INTS8: variants seen among roughly 807,000 people sequenced by gnomAD.
The protein encoded by INTS8 is integrator complex subunit 8, also known as protein kaonashi-1.
Under a neutral mutation model 138.9 loss-of-function variants are expected in INTS8, and 47 were observed. The observed-to-expected ratio is 0.34, with a 90% CI of 0.27 to 0.43. The LOEUF (loss-of-function observed/expected upper bound fraction) is 0.43, where lower values mean the gene tolerates loss of function less well. Ranked by LOEUF, INTS8 falls within the 20% of genes least tolerant of loss-of-function variation. INTS8 has a pLI of 1.00. For missense variants in INTS8, 996 were observed against 1,173.0 expected (o/e 0.85, Z 2.20); for synonymous variants, 392 against 400.9 (o/e 0.98, Z 0.27).
Position 94,849,970 on chromosome 8 carries a change from T to C in INTS8, c.1386T>C (p.His462=). ...DLQYVFMISS[H]ELFITLLKDE... Reference sequence around the variant, plus strand: ...AGTATGTTTTCATGATTTCTTCACATGAGCTTTTCATTACATTGTTGAAAG... The same window carrying C: ...AGTATGTTTTCATGATTTCTTCACACGAGCTTTTCATTACATTGTTGAAAG... Residue 462 remains histidine (H), a synonymous_variant, in exon 12 of 27, where the codon CAT becomes CAC. Coordinates refer to ENST00000523731, the MANE Select transcript of INTS8 (RefSeq NM_017864.4). 1 of 1,613,124 alleles carries C rather than the reference T, an allele frequency of 6.2e-7. No homozygotes were observed. The highest frequency in any genetic ancestry group is 8.5e-7 in the Non-Finnish European group (1 of 1,179,302).
intron 10 of INTS8, among the ~76,000 whole-genome samples, chr8:94,848,735 T>C (rs73271133): frequency 5.3e-4 from 81 of 152,310 alleles, no homozygotes; most frequent in African/African-American, 1.5e-3. Flanking sequence ...AGGTTACTTA[T>C]ACTTTTTGGC....
chr8:94,827,878 TAGA>T (rs1322531524), intron 4 of INTS8, 85 bp downstream of exon 4: 30 of 1,077,060 alleles, frequency 2.8e-5, no homozygotes, highest in African/African-American at 1.1e-4. Context: ...ACCTCTGTTA[TAGA>T]AGAAGTAGAG....
chr8:94,853,709 T>C, intron 13 of INTS8, 96 bp from the exon 14 acceptor site: 1 of 673,226 alleles, frequency 1.5e-6, no homozygotes. Context: ...CGTGAGTTAT[T>C]TGTTTTAAAT....
At chr8:94,866,439 C>G (rs1816179859) in intron 18 of INTS8, 1 of 440,114 alleles carries the variant, frequency 2.3e-6, no homozygotes, top group Non-Finnish European at 4.3e-6. Context: ...ACTACAGGCA[C>G]ATGTAACCAT....
intron 13 of INTS8, among the ~76,000 whole-genome samples, 183 bp downstream of exon 13, chr8:94,851,869 C>T (rs1048943987): frequency 2.0e-5 from 3 of 152,148 alleles, no homozygotes; most frequent in Non-Finnish European, 4.4e-5. Context: ...ATGTCAGAAA[C>T]AAAAAGATAC....
At chr8:94,875,430 G>T (rs573020606) in intron 23 of INTS8, among the ~76,000 whole-genome samples, 12 of 152,162 alleles carry the variant, frequency 7.9e-5, no homozygotes, top group Non-Finnish European at 1.3e-4. Context: ...GCAAATGTAT[G>T]GAGACAAAGT....
chr8:94,833,535 C>A (rs1193492389), intron 6 of INTS8, among the ~76,000 whole-genome samples: 1 of 151,984 alleles, frequency 6.6e-6, no homozygotes, highest in Admixed American at 6.6e-5. Context: ...ATGAAACTTG[C>A]ATATAGGAGT....
At chr8:94,850,137 C>A in intron 12 of INTS8, 46 bp downstream of exon 12, 2 of 1,332,596 alleles carry the variant, frequency 1.5e-6, no homozygotes, top group Non-Finnish European at 2.1e-6. Context: ...TGTTTTGCCC[C>A]TCTATTCAAA....
In INTS8 at chr8:94,832,055, C is replaced by T. The variant is rs1814737814; in HGVS notation, c.634C>T (p.Leu212Phe). The T allele has an allele frequency of 6.2e-7, 1 of 1,613,448 alleles. No individual in the cohort carries two copies. The highest frequency in any genetic ancestry group is 8.5e-7 in the Non-Finnish European group (1 of 1,179,724). ...LEAALKLNKD[L>F]YVHTMRTLDL... is the part of the protein sequence containing the mutation. ...AGCAGCCCTAAAATTAAACAAGGATCTTTATGTCCATACGATGAGAACTCT... is the reference window on the plus strand; with the variant it reads ...AGCAGCCCTAAAATTAAACAAGGATTTTTATGTCCATACGATGAGAACTCT... The change falls in exon 6 of 27, where the codon CTT becomes TTT. Residue 212 changes from leucine (L) to phenylalanine (F), a missense_variant. By Grantham distance (22) the Leu-to-Phe change is conservative. Transcript: ENST00000523731.
intron 20 of INTS8, chr8:94,867,937 A>G (rs1192532537): frequency 6.6e-6 from 1 of 152,232 alleles, no homozygotes; most frequent in Non-Finnish European, 1.5e-5. Flanking sequence ...ATGACTTTCT[A>G]TCAGGTTTCC....
At chr8:94,845,848 T>A (rs1263932723) in intron 10 of INTS8, among the ~76,000 whole-genome samples, 10 of 152,200 alleles carry the variant, frequency 6.6e-5, no homozygotes, top group Admixed American at 6.5e-4. Flanking sequence ...TACATTAAAT[T>A]TAGAAGCCAG....
At chr8:94,847,520 A>G (rs943408822) in intron 10 of INTS8, among the ~76,000 whole-genome samples, 6 of 151,942 alleles carry the variant, frequency 3.9e-5, no homozygotes, top group African/African-American at 9.7e-5. Context: ...GGGCCTGGGT[A>G]ATTTTTTTGT....
chr8:94,853,827 G>A lies in INTS8; in HGVS notation c.1664G>A (p.Ser555Asn). The A allele has an allele frequency of 1.2e-6, 2 of 1,608,452 alleles. No homozygotes were observed. Among genetic ancestry groups the A allele is most frequent in the Non-Finnish European group, 1.7e-6 (2 of 1,174,930 alleles). The part of the protein sequence containing the change: ...SNKWEVPSVY[S>N]GVILGIKDNL... ...TAGTGGGAAGTACCTTCTGTCTATAGTGGTGTTATCCTGGGAATTAAAGAC... is the reference window on the plus strand; with the variant it reads ...TAGTGGGAAGTACCTTCTGTCTATAATGGTGTTATCCTGGGAATTAAAGAC... The change falls in exon 14 of 27, where the codon AGT (serine) becomes AAT (asparagine). Residue 555 changes from serine to asparagine, a missense_variant. Ser to Asn is a conservative substitution (Grantham distance 46). Transcript: ENST00000523731.
rs183676809 is a variant in INTS8, at chr8:94,881,025, T to C, written c.*791T>C. ...GCCTTATTAGTTAAAAAATGTGTTA[T>C]GGCAAGGCAAATAAACTAGTTTAAA... On this transcript the variant is annotated 3_prime_UTR_variant, in exon 27 of 27. Coordinates refer to ENST00000523731, the MANE Select transcript of INTS8 (RefSeq NM_017864.4). 368 of 398,678 alleles carry C rather than the reference T, an allele frequency of 9.2e-4. No homozygotes were observed. Among genetic ancestry groups the C allele is most frequent in the African/African-American group, 5.7e-3 (279 of 48,756 alleles). The allele number at this position is 398,678 out of a possible 1,614,324, so 24.7% of individuals were successfully genotyped here. A position where few individuals can be genotyped will look rare whatever the true frequency, so the allele number is the denominator to read the frequency against.
intron 10 of INTS8, among the ~76,000 whole-genome samples, chr8:94,848,500 C>T (rs1196576762): frequency 2.6e-5 from 4 of 152,124 alleles, no homozygotes; most frequent in African/African-American, 7.2e-5. Context: ...CCCTCAATCT[C>T]GCACCACCTG....
At chr8:94,843,097 T>G (rs998249346) in intron 10 of INTS8, among the ~76,000 whole-genome samples, 3 of 152,228 alleles carry the variant, frequency 2.0e-5, no homozygotes, top group Non-Finnish European at 2.9e-5. Context: ...TTTCTTGCTT[T>G]CTTTTATATT....
chr8:94,880,094 A>G (rs1485322667), intron 26 of INTS8, 24 bp from the exon 27 acceptor site: 4 of 1,529,214 alleles, frequency 2.6e-6, no homozygotes, highest in Admixed American at 1.9e-5. Flanking sequence ...CACCTCTAAT[A>G]ACATCACTTT....
chr8:94,865,135 T>A (rs1816129295), intron 16 of INTS8, among the ~76,000 whole-genome samples: 1 of 152,176 alleles, frequency 6.6e-6, no homozygotes, highest in African/African-American at 2.4e-5. Flanking sequence ...TCTTGGTGTA[T>A]GCCTTCCATT....
intron 15 of INTS8, among the ~76,000 whole-genome samples, chr8:94,859,030 C>G (rs1036075443): frequency 7.9e-5 from 12 of 152,090 alleles, no homozygotes; most frequent in African/African-American, 2.9e-4. Context: ...CTTTGGGAGT[C>G]CGAGGCGGGC....
Sources: allele counts gnomAD v4.1 joint callset (sites outside exome capture counted in the v4.1 genomes callset), GRCh38; gene constraint gnomAD v4.1.1; transcripts MANE v1.5; gene names NCBI Gene and HGNC (gene_info 2026-07-23, HGNC 2026-07-21).